NF1: variants seen among roughly 807,000 people sequenced by gnomAD.
NF1 encodes the protein neurofibromin 1, also known as neurofibromin.
NF1 carries 122 observed loss-of-function variants against 325.7 expected under a neutral mutation model. That is an observed-to-expected ratio of 0.37 (90% confidence interval 0.32 to 0.44). The LOEUF is 0.44. Among genes scored for constraint, NF1 ranks in the 20% least tolerant of loss-of-function variants. NF1 has a pLI of 1.00. For missense variants in NF1, 2,140 were observed against 3,415.4 expected, an observed-to-expected ratio of 0.63 and a Z score of 9.31; for synonymous variants, 1,091 against 1,186.0, an observed-to-expected ratio of 0.92 and a Z score of 1.65.
chr17:31,186,809 A>T (rs1290043344), intron 8 of NF1, among the ~76,000 whole-genome samples: 2 of 152,222 alleles, frequency 1.3e-5, no homozygotes, highest in African/African-American at 4.8e-5. Context: ...GATGGAAGTT[A>T]TGCATGGGCT....
intron 3 of NF1, among the ~76,000 whole-genome samples, chr17:31,159,621 T>G (rs991986723): frequency 2.0e-5 from 3 of 152,194 alleles, no homozygotes; most frequent in Non-Finnish European, 2.9e-5. Context: ...AAACAATTAT[T>G]TCTCTGGTTT....
chr17:31,217,776 C>T (rs2143977132), intron 13 of NF1, among the ~76,000 whole-genome samples: 1 of 151,448 alleles, frequency 6.6e-6, no homozygotes, highest in Middle Eastern at 3.4e-3. Flanking sequence ...ACCAGCCTGG[C>T]CAACATGGTG....
intron 1 of NF1, among the ~76,000 whole-genome samples, chr17:31,116,105 A>G (rs944647596): frequency 6.6e-6 from 1 of 152,194 alleles, no homozygotes; most frequent in African/African-American, 2.4e-5. Context: ...ACTCATGCAG[A>G]TATCTCACTA....
chr17:31,304,459 C>T lies in NF1; in HGVS notation c.4836-21361C>T, dbSNP rs765978506. 6 of 1,614,140 alleles carry T rather than the reference C, an allele frequency of 3.7e-6. No individual in the cohort carries two copies. In the Admixed American group the frequency reaches 1.0e-4, roughly 27 times the overall value. ...TATTATCTCAGATTTATGATCTCCA[C>T]AGTCTTGATTGAGACAGTCCAGAGA... On this transcript the variant is annotated intron_variant, in intron 36 of 57. Coordinates refer to ENST00000358273, the MANE Select transcript of NF1 (RefSeq NM_001042492.3).
At chr17:31,303,755 C>A (rs2068630738) in intron 36 of NF1, 1 of 152,410 alleles carries the variant, frequency 6.6e-6, no homozygotes, top group Non-Finnish European at 1.5e-5. Flanking sequence ...GCAATGAAAC[C>A]AAGAAGAAAA....
chr17:31,310,864 T>G (rs1157628409), intron 36 of NF1, among the ~76,000 whole-genome samples: 1 of 151,954 alleles, frequency 6.6e-6, no homozygotes. Flanking sequence ...TAGAATATTT[T>G]AAAAAGAAAA....
chr17:31,097,597 C>T (rs1052318236), intron 1 of NF1, among the ~76,000 whole-genome samples: 13 of 152,108 alleles, frequency 8.5e-5, no homozygotes, highest in Admixed American at 2.0e-4. Context: ...GAATCAAACT[C>T]ACCACCATCT....
At chr17:31,338,210 CTAAAAGACGTT>C in intron 45 of NF1, 71 bp downstream of exon 45, 1 of 1,107,404 alleles carries the variant, frequency 9.0e-7, no homozygotes, top group Non-Finnish European at 1.4e-6. Context: ...TTTCATTTTT[CTAAAAGACGTT>C]TAAATTTGAG....
intron 36 of NF1, among the ~76,000 whole-genome samples, chr17:31,279,478 G>A (rs1177290573): frequency 6.6e-6 from 1 of 151,974 alleles, no homozygotes; most frequent in Non-Finnish European, 1.5e-5. Flanking sequence ...AGCGTAGACA[G>A]TTGTTTTTCA....
intron 1 of NF1, among the ~76,000 whole-genome samples, chr17:31,120,153 A>G (rs567200914): frequency 1.3e-5 from 2 of 152,258 alleles, no homozygotes; most frequent in South Asian, 2.1e-4. Flanking sequence ...AAGAAAGTCA[A>G]TGGTAGCTTG....
intron 30 of NF1, chr17:31,252,381 TAG>T (rs1026176475): frequency 1.3e-3 from 250 of 198,940 alleles, no homozygotes; most frequent in African/African-American, 5.6e-3. Flanking sequence ...TAATCTTTTT[TAG>T]AGAGAGAGGT....
intron 36 of NF1, chr17:31,272,823 A>G (rs1374251220): frequency 1.3e-5 from 2 of 152,240 alleles, no homozygotes; most frequent in African/African-American, 4.8e-5. Context: ...ATAGGCAAGC[A>G]TATATCCTTA....
chr17:31,096,474 T>C (rs1374244557), intron 1 of NF1, among the ~76,000 whole-genome samples: 1 of 152,200 alleles, frequency 6.6e-6, no homozygotes, highest in Non-Finnish European at 1.5e-5. Context: ...CTTTTGTCAG[T>C]GGAAATTGGT....
chr17:31,199,086 T>C (rs1348466124), intron 8 of NF1, among the ~76,000 whole-genome samples: 1 of 152,108 alleles, frequency 6.6e-6, no homozygotes, highest in Non-Finnish European at 1.5e-5. Flanking sequence ...TGTTCTCTCT[T>C]TTCACTCTAA....
In NF1 at chr17:31,226,435, G is replaced by A. The variant is rs1445299269; in HGVS notation, c.2002G>A (p.Asp668Asn). The A allele has an allele frequency of 6.2e-7, 1 of 1,612,822 alleles. No individual in the cohort carries two copies. Among genetic ancestry groups the A allele is most frequent in the South Asian group, 1.1e-5 (1 of 91,062 alleles). Residue 668 changes from aspartate to asparagine, a missense_variant and splice_region_variant, in exon 18 of 58, where the codon GAT becomes AAT. By Grantham distance (23) the Asp-to-Asn change is conservative (BLOSUM62 1). Coordinates refer to ENST00000358273, the MANE Select transcript of NF1 (RefSeq NM_001042492.3). The stretch of plus-strand genomic sequence containing the variant: ...TATGTCTTCCACCCTTGACTCTCAG[G>A]ATAGTGCAGCAGGATGCAGCGGAAC... The part of the protein sequence containing the change: ...LRKGKGNSSM[D>N]SAAGCSGTPP...
chr17:31,169,781 A>G, intron 4 of NF1, 110 bp from the exon 5 acceptor site: 2 of 722,040 alleles, frequency 2.8e-6, no homozygotes, highest in Non-Finnish European at 4.9e-6. Flanking sequence ...CCTGGCCTCA[A>G]GTGGTCCTCC....
intron 36 of NF1, chr17:31,320,556 G>A: frequency 1.3e-6 from 1 of 779,258 alleles, no homozygotes; most frequent in Non-Finnish European, 2.0e-6. Context: ...GTGATACGTT[G>A]AGTTATGCAA....
At chr17:31,356,304 TAAAGG>T in intron 51 of NF1, 151 bp from the exon 52 acceptor site, 1 of 679,164 alleles carries the variant, frequency 1.5e-6, no homozygotes, top group Non-Finnish European at 2.5e-6. Context: ...AGATGGAAAA[TAAAGG>T]AAAGAAACTG....
chr17:31,238,963 G>T (rs929656357), intron 29 of NF1, among the ~76,000 whole-genome samples: 1 of 152,170 alleles, frequency 6.6e-6, no homozygotes, highest in Non-Finnish European at 1.5e-5. Flanking sequence ...TTAACAGAAT[G>T]CCTCACACTA....
Sources: gnomAD v4.1 joint callset for allele counts (sites outside exome capture counted in the v4.1 genomes callset) on GRCh38, gnomAD v4.1.1 for gene constraint, MANE v1.5 for transcripts, NCBI Gene and HGNC (gene_info 2026-07-23, HGNC 2026-07-21) for gene names.